The following TOX variants were observed in gnomAD, a reference collection of about 807,000 sequenced individuals.
The protein encoded by TOX is thymocyte selection associated high mobility group box, also known as thymocyte selection-associated high mobility group box protein TOX.
In TOX, 11 loss-of-function variants were observed where a neutral mutation model predicts 53.7. The ratio of observed to expected loss-of-function variants is 0.20; its 90% CI spans 0.13 to 0.34. The LOEUF is 0.34. Among genes scored for constraint, TOX ranks in the 10% least tolerant of loss-of-function variants. TOX has a pLI of 1.00. For missense variants in TOX, 570 were observed against 664.6 expected, an observed-to-expected ratio of 0.86 and a Z score of 1.56; for synonymous variants, 225 against 245.3, an observed-to-expected ratio of 0.92 and a Z score of 0.77.
chr8:59,011,891 C>A (rs1053590226), intron 1 of TOX, among the ~76,000 whole-genome samples: 2 of 152,144 alleles, frequency 1.3e-5, no homozygotes, highest in African/African-American at 2.4e-5. Flanking sequence ...AACCCCAATG[C>A]CACATCATGG....
chr8:58,937,921 C>A (rs1812373767), intron 3 of TOX, among the ~76,000 whole-genome samples: 1 of 152,218 alleles, frequency 6.6e-6, no homozygotes, highest in Non-Finnish European at 1.5e-5. Flanking sequence ...AAGGTGACTA[C>A]ACTGAAATAC....
chr8:59,008,006 A>G (rs1813823758), intron 1 of TOX, among the ~76,000 whole-genome samples: 1 of 152,244 alleles, frequency 6.6e-6, no homozygotes, highest in Admixed American at 6.5e-5. Context: ...CACCTCTGTT[A>G]CATTTAAATT....
chr8:59,008,482 G>GCCTTCT (rs1396550400), intron 1 of TOX, among the ~76,000 whole-genome samples: 2 of 152,218 alleles, frequency 1.3e-5, no homozygotes, highest in African/African-American at 4.8e-5. Flanking sequence ...TGTCTGCCAG[G>GCCTTCT]CCTTCTCCAA....
chr8:59,016,435 T>C (rs949837254), intron 1 of TOX, among the ~76,000 whole-genome samples: 1 of 152,192 alleles, frequency 6.6e-6, no homozygotes, highest in African/African-American at 2.4e-5. Flanking sequence ...ATACATTGTA[T>C]TAAATATATT....
At chr8:59,089,217 C>T (rs1218954766) in intron 1 of TOX, among the ~76,000 whole-genome samples, 1 of 152,218 alleles carries the variant, frequency 6.6e-6, no homozygotes, top group Non-Finnish European at 1.5e-5. Flanking sequence ...ATGTAGCTTA[C>T]GTGTTTACAG....
At chr8:58,871,945 T>TG (rs1201259947) in intron 3 of TOX, among the ~76,000 whole-genome samples, 1 of 152,134 alleles carries the variant, frequency 6.6e-6, no homozygotes, top group African/African-American at 2.4e-5. Context: ...CCAGTAGCAA[T>TG]GAGCATACCT....
chr8:58,836,388 A>G (rs1328256630), intron 5 of TOX, among the ~76,000 whole-genome samples: 1 of 152,200 alleles, frequency 6.6e-6, no homozygotes, highest in Non-Finnish European at 1.5e-5. Flanking sequence ...AAATTCTGCA[A>G]CAATATGTTA....
At chr8:58,903,677 A>T (rs960983561) in intron 3 of TOX, among the ~76,000 whole-genome samples, 1 of 152,204 alleles carries the variant, frequency 6.6e-6, no homozygotes, top group Admixed American at 6.5e-5. Flanking sequence ...TTGAGGGTAC[A>T]TGGTAAATAT....
At chr8:59,034,465 T>C (rs895021259) in intron 1 of TOX, among the ~76,000 whole-genome samples, 3 of 141,558 alleles carry the variant, frequency 2.1e-5, no homozygotes, top group Middle Eastern at 3.6e-3. Flanking sequence ...CGAAGAGCAA[T>C]ATCCAATGCT....
chr8:59,098,813 A>G (rs1293168145), intron 1 of TOX, among the ~76,000 whole-genome samples: 1 of 152,186 alleles, frequency 6.6e-6, no homozygotes, highest in Non-Finnish European at 1.5e-5. Context: ...TTTCTAATTT[A>G]TGATCCATGA....
At chr8:58,909,576 T>A (rs534958939) in intron 3 of TOX, among the ~76,000 whole-genome samples, 1 of 152,066 alleles carries the variant, frequency 6.6e-6, no homozygotes, top group Non-Finnish European at 1.5e-5. Flanking sequence ...CAAATCAGCA[T>A]CTACATTTTT....
At chr8:58,939,241 T>G in intron 3 of TOX, 61 bp downstream of exon 3, 1 of 1,590,254 alleles carries the variant, frequency 6.3e-7, no homozygotes, top group Non-Finnish European at 8.6e-7. Context: ...TCGCATGAAC[T>G]TGGTCCTTGT....
At chr8:58,948,605 A>C (rs1189071459) in intron 2 of TOX, among the ~76,000 whole-genome samples, 1 of 152,226 alleles carries the variant, frequency 6.6e-6, no homozygotes, top group South Asian at 2.1e-4. Context: ...GTTAGTCAGG[A>C]CATGTTTTTT....
At chr8:59,089,675 A>T (rs1365190078) in intron 1 of TOX, among the ~76,000 whole-genome samples, 1 of 152,214 alleles carries the variant, frequency 6.6e-6, no homozygotes, top group African/African-American at 2.4e-5. Flanking sequence ...CTGCAGCCTC[A>T]ATCTCCTGGG....
chr8:59,088,470 G>C (rs1265061599), intron 1 of TOX, among the ~76,000 whole-genome samples: 2 of 152,196 alleles, frequency 1.3e-5, no homozygotes, highest in Admixed American at 1.3e-4. Context: ...AATTTTTCTA[G>C]ATCATGAGTA....
intron 3 of TOX, among the ~76,000 whole-genome samples, chr8:58,937,402 T>C (rs1360246306): frequency 6.6e-6 from 1 of 152,124 alleles, no homozygotes; most frequent in East Asian, 1.9e-4. Flanking sequence ...AGAAGGAAGC[T>C]CCTGATAGGG....
intron 1 of TOX, among the ~76,000 whole-genome samples, chr8:59,021,481 A>AAAATATATAT (rs59174995): frequency 6.4e-3 from 411 of 64,574 alleles, no homozygotes; most frequent in African/African-American, 9.8e-3. Context: ...AAAAAAAAAA[A>AAAATATATAT]ATATATATAT....
intron 2 of TOX, among the ~76,000 whole-genome samples, chr8:58,953,627 T>C (rs72651327): frequency 6.6e-6 from 1 of 152,202 alleles, no homozygotes; most frequent in African/African-American, 2.4e-5. Flanking sequence ...CACTGAAGAC[T>C]GGTTTGAGTA....
intron 1 of TOX, among the ~76,000 whole-genome samples, chr8:59,079,985 CTT>C (rs140553464): frequency 2.4e-4 from 34 of 140,802 alleles, no homozygotes; most frequent in African/African-American, 2.1e-4. Flanking sequence ...GTTTTCTTTT[CTT>C]TTTTTTTTTT....
Sources: gnomAD v4.1 joint callset for allele counts (sites outside exome capture counted in the v4.1 genomes callset) on GRCh38, gnomAD v4.1.1 for gene constraint, MANE v1.5 for transcripts, NCBI Gene and HGNC (gene_info 2026-07-23, HGNC 2026-07-21) for gene names.